The following PPFIBP2 variants were observed in gnomAD, a reference collection of about 807,000 sequenced individuals.
The protein encoded by PPFIBP2 is liprin-beta-2.
Under a neutral mutation model 118.3 loss-of-function variants are expected in PPFIBP2, and 118 were observed. The ratio of observed to expected loss-of-function variants is 1.00; its 90% CI spans 0.86 to 1.16. The LOEUF is 1.16. PPFIBP2 is among the 50% of genes most tolerant of loss of function. The pLI is 0.00. For synonymous variants in PPFIBP2, 414 were observed against 397.4 expected (o/e 1.04, Z -0.50); for missense variants, 1,195 against 1,073.1 (o/e 1.11, Z -1.59).
At chr11:7,655,498 G>A (rs965565396), downstream of PPFIBP2, 7 of 1,289,598 alleles carry the variant, frequency 5.4e-6, no homozygotes, top group African/African-American at 4.6e-5. Flanking sequence ...ACCGCCTTAC[G>A]GTAGGACTCT....
At chr11:7,555,389 A>G (rs192514609) in intron 2 of PPFIBP2, among the ~76,000 whole-genome samples, 11 of 152,302 alleles carry the variant, frequency 7.2e-5, no homozygotes, top group Admixed American at 1.3e-4. Flanking sequence ...AGAAAACAAC[A>G]AAAGATTGTG....
At chr11:7,655,935 C>T (rs1337104686), downstream of PPFIBP2, among the ~76,000 whole-genome samples, 2 of 152,146 alleles carry the variant, frequency 1.3e-5, no homozygotes, top group Non-Finnish European at 1.5e-5. Flanking sequence ...GTGGGTATCA[C>T]AGAGTGTTGA....
At chr11:7,627,081 T>A (rs143035302) in intron 8 of PPFIBP2, among the ~76,000 whole-genome samples, 2 of 152,330 alleles carry the variant, frequency 1.3e-5, no homozygotes, top group African/African-American at 2.4e-5. Context: ...CCACAACTTC[T>A]AGGCCAGGCA....
In PPFIBP2 at chr11:7,514,011, G is replaced by A. The variant is rs977410505; in HGVS notation, c.-147G>A. 1 of 152,326 alleles carries A rather than the reference G, an allele frequency of 6.6e-6. No homozygotes were observed. The highest frequency in any genetic ancestry group is 2.4e-5 in the African/African-American group (1 of 41,462). The allele number at this position is 152,326 out of a possible 1,614,324, so 9.4% of individuals were successfully genotyped here. A position where few individuals can be genotyped will look rare whatever the true frequency, so the allele number is the denominator to read the frequency against. Reference sequence around the variant, plus strand: ...CGCTTGGTCCGGCAGTTGGTCGGTGGGCCAGTGGCCCGTCGCTCGCTTCTG... The same window carrying A: ...CGCTTGGTCCGGCAGTTGGTCGGTGAGCCAGTGGCCCGTCGCTCGCTTCTG... On this transcript the variant is annotated 5_prime_UTR_variant, in exon 1 of 24. Coordinates refer to ENST00000299492, the MANE Select transcript of PPFIBP2 (RefSeq NM_003621.5).
chr11:7,579,172 T>A (rs1323707510), intron 3 of PPFIBP2, among the ~76,000 whole-genome samples: 3 of 152,144 alleles, frequency 2.0e-5, no homozygotes, highest in Non-Finnish European at 4.4e-5. Context: ...GATGGGATAG[T>A]ACAAACCCCT....
At chr11:7,602,669 G>C (rs1257448166) in intron 5 of PPFIBP2, among the ~76,000 whole-genome samples, 1 of 152,208 alleles carries the variant, frequency 6.6e-6, no homozygotes, top group Admixed American at 6.5e-5. Context: ...AGGGAGGACT[G>C]TGGGGAGCAA....
At chr11:7,562,940 TATATATATATATATATATA>T (rs757037248) in intron 2 of PPFIBP2, among the ~76,000 whole-genome samples, 26,894 of 74,132 alleles carry the variant, frequency 0.36, 3,240 homozygotes, top group African/African-American at 0.48. Flanking sequence ...TATATATATA[TATATATATATATATATATA>T]TATATATATA....
intron 2 of PPFIBP2, among the ~76,000 whole-genome samples, chr11:7,562,974 T>TACAC (rs1397557338): frequency 1.7e-5 from 2 of 119,346 alleles, no homozygotes; most frequent in African/African-American, 5.9e-5. Flanking sequence ...TATATATATA[T>TACAC]ATACACGCAC....
chr11:7,660,871 G>C (rs1317981061), downstream of PPFIBP2, among the ~76,000 whole-genome samples: 14 of 151,920 alleles, frequency 9.2e-5, no homozygotes, highest in South Asian at 1.5e-3. Context: ...CTGGTTTAGT[G>C]TTGGGAGAGT....
chr11:7,588,773 T>C (rs1210359548), intron 3 of PPFIBP2, among the ~76,000 whole-genome samples: 2 of 152,244 alleles, frequency 1.3e-5, no homozygotes, highest in Non-Finnish European at 2.9e-5. Flanking sequence ...AAAGGTGGCT[T>C]GGCTTCAATG....
rs1850966017 is a variant in PPFIBP2 at position 7,632,936 on chromosome 11, T to C, written c.1136+2T>C. ...GCCACAGAAATCACTGGAAACCAGGTAAGAGGCCTGGGCATTTCCCCACAG... is the reference window on the plus strand; with the variant it reads ...GCCACAGAAATCACTGGAAACCAGGCAAGAGGCCTGGGCATTTCCCCACAG... On this transcript the variant is annotated splice_donor_variant, in intron 12 of 23. Transcript: ENST00000299492. LOFTEE classifies it high-confidence loss of function. 1.2e-6 allele frequency: 2 copies of C among 1,612,856 alleles called. No homozygotes were observed. The highest frequency in any genetic ancestry group is 2.7e-5 in the African/African-American group (2 of 74,890).
intron 22 of PPFIBP2, 122 bp from the exon 23 acceptor site, chr11:7,651,534 G>A: frequency 2.4e-6 from 2 of 824,822 alleles, no homozygotes; most frequent in South Asian, 1.8e-5. Context: ...CAGAACAAGT[G>A]ACTGAGCTCC....
chr11:7,598,159 T>G (rs1860744987), intron 5 of PPFIBP2: 1 of 168,914 alleles, frequency 5.9e-6, no homozygotes, highest in African/African-American at 2.4e-5. Flanking sequence ...ATTTAACTGT[T>G]CCCTACCATT....
downstream of PPFIBP2, among the ~76,000 whole-genome samples, chr11:7,661,087 T>C (rs897382826): frequency 3.3e-5 from 5 of 152,010 alleles, no homozygotes; most frequent in African/African-American, 4.8e-5. Flanking sequence ...GTTAATCCTT[T>C]CAAAAAACCA....
chr11:7,590,442 G>C (rs575876449), intron 3 of PPFIBP2, among the ~76,000 whole-genome samples: 3 of 152,128 alleles, frequency 2.0e-5, no homozygotes, highest in South Asian at 2.1e-4. Context: ...TGATTGGGGT[G>C]GGGGAGGGAC....
In PPFIBP2 at chr11:7,651,834, C is replaced by A. The variant is rs1174892655; in HGVS notation, c.2426C>A (p.Ala809Asp). 6.2e-7 allele frequency: 1 copy of A among 1,610,306 alleles called. No individual in the cohort carries two copies. The highest frequency in any genetic ancestry group is 8.5e-7 in the Non-Finnish European group (1 of 1,177,128). Reference sequence around the variant, plus strand: ...GCTTACACACCACTGACCACCACAGCCAAAGTCCGGGTGAGTTGCAGAGCC... The same window carrying A: ...GCTTACACACCACTGACCACCACAGACAAAGTCCGGGTGAGTTGCAGAGCC... ...SPAYTPLTTTAKVRPRKLGFS... is the reference protein window; with the variant it reads ...SPAYTPLTTTDKVRPRKLGFS... The change falls in exon 23 of 24, where the codon GCC (alanine) becomes GAC (aspartate). Residue 809 changes from alanine to aspartate, a missense_variant. By Grantham distance (126) the Ala-to-Asp change is moderately radical. Transcript: ENST00000299492.
At chr11:7,597,782 G>T (rs957914885) in intron 5 of PPFIBP2, 109 bp downstream of exon 5, 27 of 924,512 alleles carry the variant, frequency 2.9e-5, no homozygotes, top group Non-Finnish European at 4.4e-5. Flanking sequence ...CATCCTGCCT[G>T]GGGGCGGGAT....
chr11:7,569,972 C>T (rs1855469419), intron 3 of PPFIBP2, among the ~76,000 whole-genome samples: 1 of 152,144 alleles, frequency 6.6e-6, no homozygotes, highest in Non-Finnish European at 1.5e-5. Flanking sequence ...AAGCAGTGCT[C>T]ATCAGTGGCC....
intron 6 of PPFIBP2, among the ~76,000 whole-genome samples, chr11:7,619,091 C>T (rs1466468946): frequency 1.3e-5 from 2 of 152,186 alleles, no homozygotes; most frequent in Non-Finnish European, 2.9e-5. Context: ...AAATAGTATA[C>T]ACCTACTATG....
Sources: allele counts gnomAD v4.1 joint callset (sites outside exome capture counted in the v4.1 genomes callset), GRCh38; gene constraint gnomAD v4.1.1; transcripts MANE v1.5; gene names NCBI Gene and HGNC (gene_info 2026-07-23, HGNC 2026-07-21).